SRPK2: variants seen among roughly 807,000 people sequenced by gnomAD.
SRPK2 encodes SFRS protein kinase 2.
A neutral mutation model predicts 90.8 loss-of-function variants in SRPK2; 21 were observed. That is an observed-to-expected ratio of 0.23 (90% CI 0.16 to 0.33). The LOEUF is 0.33. Among genes scored for constraint, SRPK2 ranks in the 10% least tolerant of loss-of-function variants. SRPK2 has a pLI of 1.00. For missense variants in SRPK2, 620 were observed against 869.0 expected, an observed-to-expected ratio of 0.71 and a Z score of 3.60; for synonymous variants, 288 against 311.1, an observed-to-expected ratio of 0.93 and a Z score of 0.78.
chr7:105,314,390 AT>A (rs1161709213), intron 2 of SRPK2, among the ~76,000 whole-genome samples: 1 of 151,710 alleles, frequency 6.6e-6, no homozygotes, highest in African/African-American at 2.4e-5. Flanking sequence ...TTCAAAACAC[AT>A]TTTTTATTTT....
At chr7:105,225,283 T>C (rs1798580270) in intron 2 of SRPK2, among the ~76,000 whole-genome samples, 1 of 152,270 alleles carries the variant, frequency 6.6e-6, no homozygotes. Context: ...TCTTAAGATC[T>C]ATTTTATTTA....
At chr7:105,164,963 G>A (rs1232680230) in intron 6 of SRPK2, among the ~76,000 whole-genome samples, 4 of 152,150 alleles carry the variant, frequency 2.6e-5, no homozygotes, top group Admixed American at 6.5e-5. Context: ...AAAGTGGTCC[G>A]ATTTTCTTGA....
At chr7:105,211,751 T>C (rs541045542) in intron 2 of SRPK2, among the ~76,000 whole-genome samples, 1 of 152,310 alleles carries the variant, frequency 6.6e-6, no homozygotes, top group East Asian at 1.9e-4. Context: ...CCAAACTATA[T>C]CACTCCCCAA....
intron 2 of SRPK2, among the ~76,000 whole-genome samples, chr7:105,327,184 T>C (rs1489035549): frequency 1.3e-5 from 2 of 152,066 alleles, no homozygotes; most frequent in Non-Finnish European, 2.9e-5. Context: ...TGTTAGAACA[T>C]ATGGACCTAC....
chr7:105,228,551 T>C (rs1055071194), intron 2 of SRPK2, among the ~76,000 whole-genome samples: 2 of 152,324 alleles, frequency 1.3e-5, no homozygotes, highest in South Asian at 4.1e-4. Context: ...ACGGGCGCAG[T>C]GGCTCACGCC....
intron 2 of SRPK2, among the ~76,000 whole-genome samples, chr7:105,311,543 G>A (rs1481129451): frequency 6.6e-6 from 1 of 152,060 alleles, no homozygotes; most frequent in African/African-American, 2.4e-5. Context: ...AACAAGCAAA[G>A]GATTTCAAGT....
chr7:105,226,239 TTTGC>T (rs1798692732), intron 2 of SRPK2, among the ~76,000 whole-genome samples: 1 of 151,978 alleles, frequency 6.6e-6, no homozygotes, highest in African/African-American at 2.4e-5. Flanking sequence ...GAAGATATAT[TTTGC>T]TTGATTTTTT....
At chr7:105,347,359 T>A (rs1309785293) in intron 2 of SRPK2, among the ~76,000 whole-genome samples, 1 of 151,798 alleles carries the variant, frequency 6.6e-6, no homozygotes, top group Non-Finnish European at 1.5e-5. Context: ...CCTGGCTAAT[T>A]TTTTCTTTAA....
chr7:105,158,978 T>C (rs1806999369), intron 7 of SRPK2, among the ~76,000 whole-genome samples: 1 of 152,090 alleles, frequency 6.6e-6, no homozygotes, highest in Non-Finnish European at 1.5e-5. Context: ...CCTGTCGAAA[T>C]AATGAATAAA....
chr7:105,126,895 C>T (rs1801291054), intron 14 of SRPK2, 98 bp downstream of exon 14: 1 of 1,228,424 alleles, frequency 8.1e-7, no homozygotes, highest in Non-Finnish European at 1.2e-6. Context: ...GAAAACCAAA[C>T]ACATGGCTCT....
rs35424206 is a variant in SRPK2, at chr7:105,257,691, AT to A, written c.72-53907del. Among the ~76,000 whole-genome samples the A allele has an allele frequency of 4.6e-3, 677 of 147,924 alleles. 7 individuals are homozygous for A. Among genetic ancestry groups the A allele is most frequent in the South Asian group, 0.015 (71 of 4,696 alleles). On this transcript the variant is annotated intron_variant, in intron 2 of 15. Transcript: ENST00000393651. Reference sequence around the variant, plus strand: ...AGAATCTAGACAGGGTTTAACAGTCATTTTTTTTTTTAAGGCAAACAATACA... The same window carrying A: ...AGAATCTAGACAGGGTTTAACAGTCATTTTTTTTTTAAGGCAAACAATACA...
chr7:105,236,897 A>G (rs1266689671), intron 2 of SRPK2, among the ~76,000 whole-genome samples: 1 of 152,234 alleles, frequency 6.6e-6, no homozygotes, highest in Admixed American at 6.5e-5. Flanking sequence ...GAATCAAAAG[A>G]CTAGTTTGGG....
At chr7:105,268,688 T>C in intron 2 of SRPK2, 1 of 1,167,526 alleles carries the variant, frequency 8.6e-7, no homozygotes, top group Non-Finnish European at 1.2e-6. Flanking sequence ...TACAGCACAA[T>C]ACCAGCATGC....
chr7:105,194,265 T>TA (rs937081607), intron 3 of SRPK2, among the ~76,000 whole-genome samples: 29 of 151,220 alleles, frequency 1.9e-4, no homozygotes, highest in Non-Finnish European at 3.0e-4. Context: ...TAAAGGTATC[T>TA]AAAAAAAAAC....
At chr7:105,231,727 T>C (rs991537163) in intron 2 of SRPK2, among the ~76,000 whole-genome samples, 1 of 152,234 alleles carries the variant, frequency 6.6e-6, no homozygotes, top group Non-Finnish European at 1.5e-5. Flanking sequence ...TTGAAAAGTG[T>C]CTATGTCCTT....
In SRPK2 at chr7:105,261,572, T is replaced by C. The variant is rs1048341388; in HGVS notation, c.72-57787A>G. On this transcript the variant is annotated intron_variant, in intron 2 of 15. Coordinates refer to ENST00000393651, the MANE Select transcript of SRPK2 (RefSeq NM_182692.3). ...AAAGAAAAATCTAAGACCTGTAACC[T>C]TGACAGTTTGTAACAAAATTATCTT... is the stretch of plus-strand genomic sequence containing the variant. Among the ~76,000 whole-genome samples the C allele has an allele frequency of 3.9e-5, 6 of 152,152 alleles. No homozygotes were observed. In the Middle Eastern group the frequency reaches 0.014, roughly 345 times the overall value.
intron 2 of SRPK2, chr7:105,297,480 C>G: frequency 1.0e-6 from 1 of 985,440 alleles, no homozygotes; most frequent in Non-Finnish European, 1.2e-6. Flanking sequence ...TGGTGGCCAT[C>G]TGGCCCCTCA....
At chr7:105,352,951 C>G (rs1817374834) in intron 2 of SRPK2, among the ~76,000 whole-genome samples, 1 of 152,058 alleles carries the variant, frequency 6.6e-6, no homozygotes, top group Non-Finnish European at 1.5e-5. Flanking sequence ...CATGATCCCT[C>G]CCTTAATTTC....
chr7:105,382,280 C>CAGCCA (rs1257527760), intron 2 of SRPK2, among the ~76,000 whole-genome samples: 17 of 152,042 alleles, frequency 1.1e-4, no homozygotes, highest in Non-Finnish European at 2.4e-4. Context: ...CAGCCAGGCA[C>CAGCCA]GGTGGCTCAT....
Sources: allele counts gnomAD v4.1 joint callset (sites outside exome capture counted in the v4.1 genomes callset), GRCh38; gene constraint gnomAD v4.1.1; transcripts MANE v1.5; gene names NCBI Gene and HGNC (gene_info 2026-07-23, HGNC 2026-07-21).